MAP3K12: variants seen among roughly 807,000 people sequenced by gnomAD.
MAP3K12 encodes the protein mitogen-activated protein kinase kinase kinase 12.
MAP3K12 carries 14 observed loss-of-function variants against 87.5 expected under a neutral mutation model. The observed-to-expected ratio is 0.16, with a 90% CI of 0.11 to 0.25. The LOEUF is 0.25. Ranked by LOEUF, MAP3K12 falls within the 10% of genes least tolerant of loss-of-function variation. The probability of loss-of-function intolerance (pLI) is 1.00; values close to 1 mark genes in which losing one functional copy is unlikely to be tolerated. For missense variants in MAP3K12, 802 were observed against 1,140.4 expected (o/e 0.70, Z 4.27); for synonymous variants, 469 against 452.5 (o/e 1.04, Z -0.46).
intron 4 of MAP3K12, chr12:53,485,696 C>T (rs901394017): frequency 1.2e-5 from 7 of 564,566 alleles, no homozygotes; most frequent in African/African-American, 9.4e-5. Flanking sequence ...GCTGAGACTA[C>T]GGGCACTCGC....
chr12:53,486,301 T>G lies in MAP3K12; in HGVS notation c.630-54A>C. 1.3e-6 allele frequency: 2 copies of G among 1,557,776 alleles called. No homozygotes were observed. The highest frequency in any genetic ancestry group is 1.7e-6 in the Non-Finnish European group (2 of 1,149,098). On this transcript the variant is annotated intron_variant, in intron 3 of 13. Coordinates refer to ENST00000547488, the MANE Select transcript of MAP3K12 (RefSeq NM_001193511.2). The surrounding 1 kb of genome is among the most constrained non-coding windows in gnomAD (Gnocchi z 4.9). ...TCAGCTGGCTCAGCATTCACCTGAT[T>G]CATACCTGGAACCCCCATTCCCACC...
chr12:53,494,672 C>T (rs1943502861), intron 1 of MAP3K12, among the ~76,000 whole-genome samples: 1 of 152,182 alleles, frequency 6.6e-6, no homozygotes, highest in Non-Finnish European at 1.5e-5. Context: ...ACACTGAGTG[C>T]TCTCCACTGT....
Position 53,486,357 on chromosome 12 carries a change from G to A in MAP3K12, c.629+82C>T, listed in dbSNP as rs1943228588. 6.4e-7 allele frequency: 1 copy of A among 1,568,680 alleles called. No homozygotes were observed. Among genetic ancestry groups the A allele is most frequent in the Non-Finnish European group, 8.7e-7 (1 of 1,153,404 alleles). ...CACCTATGGATCTCCTCTGGGGAAG[G>A]ATGGGGTAGGTCCCACTGCCCAGGA... On this transcript the variant is annotated intron_variant, in intron 3 of 13. Transcript: ENST00000547488. The surrounding 1 kb of genome is among the most constrained non-coding windows in gnomAD (Gnocchi z 4.9).
rs773467995 is a variant in MAP3K12, at chr12:53,485,019, T to C, written c.1139+37A>G. The C allele has an allele frequency of 4.3e-6, 7 of 1,613,480 alleles. No homozygotes were observed. In the South Asian group the frequency reaches 7.7e-5, roughly 18 times the overall value. ...CCCAGTACTACCGTGCTTCTCAACT[T>C]CTCCAGGCCCAGTATCCCAGCCCAG... On this transcript the variant is annotated intron_variant, in intron 6 of 13. Transcript: ENST00000547488.
At position 53,485,915 on chromosome 12, in the gene MAP3K12, C is replaced by T. The variant is rs554989532; in HGVS notation, c.821+141G>A. On this transcript the variant is annotated intron_variant, in intron 4 of 13. Transcript: ENST00000547488. ...AGGTGAGGGGCTCACTACAGCCCTTCTGAGATGGGACTGTCACTTGGAAGA... is the reference window on the plus strand; with the variant it reads ...AGGTGAGGGGCTCACTACAGCCCTTTTGAGATGGGACTGTCACTTGGAAGA... 36 of 742,646 alleles carry T rather than the reference C, an allele frequency of 4.8e-5. 1 individual carries two copies. In the South Asian group the frequency reaches 6.2e-4, roughly 13 times the overall value. 46.0% of individuals were successfully genotyped at this position (742,646 alleles called of 1,614,324 possible).
At chr12:53,485,514 C>G in intron 4 of MAP3K12, 39 bp from the exon 5 acceptor site, 1 of 1,595,266 alleles carries the variant, frequency 6.3e-7, no homozygotes, top group Non-Finnish European at 8.5e-7. Context: ...CACACCCCTC[C>G]ACACACCTCA....
intron 1 of MAP3K12, among the ~76,000 whole-genome samples, chr12:53,491,111 A>G (rs929095182): frequency 2.6e-5 from 4 of 151,544 alleles, no homozygotes; most frequent in African/African-American, 7.3e-5. Flanking sequence ...AACACGGTGC[A>G]ACCCCGTCTC....
At position 53,483,263 on chromosome 12, in the gene MAP3K12, C is replaced by CTA. The variant is rs566466279; in HGVS notation, c.1614-76_1614-75dup. 392 of 1,570,498 alleles carry CTA rather than the reference C, an allele frequency of 2.5e-4. 1 individual carries two copies. The African/African-American group carries it at 4.4e-3, about 18-fold the overall frequency. ...TCAAAGCACTCCCTAACCTTGGACA[C>CTA]TAAAGTACACATCTCCCTGCTAATA... On this transcript the variant is annotated intron_variant, in intron 10 of 13. Transcript: ENST00000547488.
chr12:53,501,473 C>A, upstream of MAP3K12: 2 of 1,562,220 alleles, frequency 1.3e-6, no homozygotes. Flanking sequence ...TGAGCCGTCT[C>A]GTACCGATTC....
At position 53,487,131 on chromosome 12, in the gene MAP3K12, A is replaced by G. The variant is rs1367986045; in HGVS notation, c.261T>C (p.Asp87=). The part of the protein sequence containing the change: ...ANSVLQLHEQ[D]AGGPGGAAGS... Reference sequence around the variant, plus strand: ...CAGCTGCTCCCCCTGGGCCCCCTGCATCCTGCTCATGTAGCTGCAGGACAC... The same window carrying G: ...CAGCTGCTCCCCCTGGGCCCCCTGCGTCCTGCTCATGTAGCTGCAGGACAC... The change falls in exon 2 of 14, where the codon GAT becomes GAC. Residue 87 remains aspartate, a synonymous_variant. Transcript: ENST00000547488. 2 of 1,613,876 alleles carry G rather than the reference A, an allele frequency of 1.2e-6. No individual in the cohort carries two copies. Among genetic ancestry groups the G allele is most frequent in the East Asian group, 2.2e-5 (1 of 44,888 alleles).
rs115312830 is a variant in MAP3K12, at chr12:53,485,985, C to T, written c.821+71G>A. On this transcript the variant is annotated intron_variant, in intron 4 of 13. Transcript: ENST00000547488. ...TGGACCTAGGGCATGGTTTGGAAGC[C>T]GGGAGAAGGCCACACTGACTTGAGT... The T allele has an allele frequency of 2.2e-4, 312 of 1,448,854 alleles. No individual in the cohort carries two copies. In the African/African-American group the frequency reaches 2.9e-3, roughly 13 times the overall value. The allele number at this position is 1,448,854 out of a possible 1,614,324, so 89.7% of individuals were successfully genotyped here. A position where few individuals can be genotyped will look rare whatever the true frequency, so the allele number is the denominator to read the frequency against.
upstream of MAP3K12, chr12:53,501,259 G>A (rs1565897033): frequency 1.3e-6 from 1 of 766,362 alleles, no homozygotes; most frequent in Non-Finnish European, 2.1e-6. Context: ...CACGAAGTAG[G>A]GTGGGCGGGG....
At position 53,483,717 on chromosome 12, in the gene MAP3K12, G is replaced by A; in HGVS notation, c.1365C>T (p.Ala455=). 1 of 1,613,882 alleles carries A rather than the reference G, an allele frequency of 6.2e-7. No individual in the cohort carries two copies. The highest frequency in any genetic ancestry group is 8.5e-7 in the Non-Finnish European group (1 of 1,180,008). Reference sequence around the variant, plus strand: ...TTTCATAGTGCTCCCTGATGTCCAGGGCGTGTCTGCAACGGGCAGAAAGGT... The same window carrying A: ...TTTCATAGTGCTCCCTGATGTCCAGAGCGTGTCTGCAACGGGCAGAAAGGT... ...VMRRREELRH[A]LDIREHYERK... is the part of the protein sequence containing the mutation. Residue 455 remains alanine (A), a synonymous_variant, in exon 9 of 14, where the codon GCC becomes GCT. Coordinates refer to ENST00000547488, the MANE Select transcript of MAP3K12 (RefSeq NM_001193511.2).
In MAP3K12 at chr12:53,481,125, G is replaced by GTA. The variant is rs1171499281; in HGVS notation, c.*55_*56dup. On this transcript the variant is annotated 3_prime_UTR_variant, in exon 14 of 14. Transcript: ENST00000547488. ...ATGTGGCGCATATATATATATATAT[G>GTA]TATATATATATAATTTATATAAATA... The GTA allele has an allele frequency of 3.1e-4, 163 of 529,586 alleles. No homozygotes were observed. The highest frequency in any genetic ancestry group is 3.0e-4 in the South Asian group (4 of 13,216). The allele number at this position is 529,586 out of a possible 1,614,324, so 32.8% of individuals were successfully genotyped here.
Position 53,482,168 on chromosome 12 carries a change from T to C in MAP3K12, c.2353A>G (p.Ser785Gly). 6.2e-7 allele frequency: 1 copy of C among 1,614,234 alleles called. No individual in the cohort carries two copies. The highest frequency in any genetic ancestry group is 8.5e-7 in the Non-Finnish European group (1 of 1,180,046). ...LNMRQSLSTF[S>G]SENPSDGEEG... ...TCCCCATCTGATGGATTCTCTGAGC[T>C]GAAGGTAGATAGTGACTGGCGCATG... The change falls in exon 13 of 14, where the codon AGC (serine) becomes GGC (glycine). Residue 785 changes from serine (S) to glycine (G), a missense_variant. Ser to Gly is a moderately conservative substitution (Grantham distance 56, BLOSUM62 0). Around this residue, in one of 5 missense-constraint regions of MAP3K12, gnomAD observed 490 missense variants for 496.6 expected, o/e 0.99. Coordinates refer to ENST00000547488, the MANE Select transcript of MAP3K12 (RefSeq NM_001193511.2).
At position 53,482,023 on chromosome 12, in the gene MAP3K12, A is replaced by C; in HGVS notation, c.2498T>G (p.Leu833Arg). The change falls in exon 13 of 14, where the codon CTG becomes CGG. Residue 833 changes from leucine to arginine, a missense_variant. By Grantham distance (102) the Leu-to-Arg change is moderately radical. Around this residue, in one of 5 missense-constraint regions of MAP3K12, gnomAD observed 490 missense variants for 496.6 expected, o/e 0.99. Transcript: ENST00000547488. ...DMCSQGSEIP[L>R]DPPPSEVIPG... The stretch of plus-strand genomic sequence containing the variant: ...GATGACCTCTGAAGGAGGTGGGTCC[A>C]GTGGGATTTCTGAGCCCTGGGAGCA... 1 of 1,614,208 alleles carries C rather than the reference A, an allele frequency of 6.2e-7. No individual in the cohort carries two copies. The highest frequency in any genetic ancestry group is 8.5e-7 in the Non-Finnish European group (1 of 1,180,040).
At chr12:53,489,509 C>G (rs557789001) in intron 1 of MAP3K12, among the ~76,000 whole-genome samples, 2 of 152,344 alleles carry the variant, frequency 1.3e-5, no homozygotes, top group South Asian at 4.1e-4. Flanking sequence ...CCATGCTGGT[C>G]TCCCAACTCA....
Position 53,482,778 on chromosome 12 carries a change from G to A in MAP3K12, c.2025C>T (p.Thr675=). ...PGSPPPARGD[T]PPSEGSAPGS... ...CAGGGGCTGAGCCCTCACTTGGTGG[G>A]GTGTCACCCCGGGCCGGAGGTGGTG... Residue 675 remains threonine (T), a synonymous_variant, in exon 11 of 14, where the codon ACC becomes ACT. Coordinates refer to ENST00000547488, the MANE Select transcript of MAP3K12 (RefSeq NM_001193511.2). The A allele has an allele frequency of 6.2e-7, 1 of 1,613,422 alleles. No homozygotes were observed. Among genetic ancestry groups the A allele is most frequent in the Non-Finnish European group, 8.5e-7 (1 of 1,179,540 alleles).
chr12:53,486,575 C>T lies in MAP3K12; in HGVS notation c.493G>A (p.Gly165Ser). Residue 165 changes from glycine to serine, a missense_variant, in exon 3 of 14, where the codon GGC becomes AGC. Gly to Ser is a moderately conservative substitution (Grantham distance 56, BLOSUM62 0). This residue lies in a region of MAP3K12 where 57 missense variants were observed against 161.8 expected (regional missense o/e 0.35). Coordinates refer to ENST00000547488, the MANE Select transcript of MAP3K12 (RefSeq NM_001193511.2). This position sits in a 1 kb window ranked among gnomAD's most constrained non-coding sequence, Gnocchi z 4.9. The part of the protein sequence containing the change: ...FEEILDLQWV[G>S]SGAQGAVFLG... ...AAGACAGCACCCTGGGCCCCTGAGC[C>T]CACCCACTGCAGGTCCAGGATTTCC... 6.2e-7 allele frequency: 1 copy of T among 1,613,298 alleles called. No individual in the cohort carries two copies. The highest frequency in any genetic ancestry group is 8.5e-7 in the Non-Finnish European group (1 of 1,179,676).
Sources: allele counts gnomAD v4.1 joint callset (sites outside exome capture counted in the v4.1 genomes callset), GRCh38; gene constraint gnomAD v4.1.1; regional missense constraint gnomAD v4.1.1; non-coding constraint Gnocchi (gnomAD v3.1); transcripts MANE v1.5; gene names NCBI Gene and HGNC (gene_info 2026-07-23, HGNC 2026-07-21).